MCPH1: variants seen among roughly 807,000 people sequenced by gnomAD.
The protein encoded by MCPH1 is microcephalin.
Under a neutral mutation model 84.5 loss-of-function variants are expected in MCPH1, and 104 were observed. The observed-to-expected ratio is 1.23, with a 90% CI of 1.05 to 1.45. MCPH1 has a LOEUF of 1.45. Among genes scored for constraint, MCPH1 ranks in the 40% most tolerant of loss-of-function variants. The pLI, the probability that MCPH1 is intolerant of heterozygous loss-of-function variation, is 0.00. For synonymous variants in MCPH1, 514 were observed against 366.8 expected (o/e 1.40, Z -4.58); for missense variants, 1,498 against 1,005.7 (o/e 1.49, Z -6.62).
intron 4 of MCPH1, among the ~76,000 whole-genome samples, chr8:6,433,776 CCCTTT>C (rs142430100): frequency 0.013 from 2,029 of 152,030 alleles, 18 homozygotes; most frequent in Middle Eastern, 0.027. Flanking sequence ...TAAAAACCTT[CCCTTT>C]CCTTCTCTTT....
chr8:6,459,038 A>G (rs1291000382), intron 9 of MCPH1, among the ~76,000 whole-genome samples: 1 of 152,244 alleles, frequency 6.6e-6, no homozygotes, highest in African/African-American at 2.4e-5. Flanking sequence ...ATATGTGGTA[A>G]TGAGTCCACA....
At chr8:6,477,893 A>G (rs1808688512) in intron 10 of MCPH1, among the ~76,000 whole-genome samples, 1 of 152,232 alleles carries the variant, frequency 6.6e-6, no homozygotes, top group Admixed American at 6.5e-5. Flanking sequence ...TTGATACCAA[A>G]TAGCTTCATG....
At chr8:6,438,018 G>A (rs1178251271) in intron 5 of MCPH1, among the ~76,000 whole-genome samples, 2 of 152,114 alleles carry the variant, frequency 1.3e-5, no homozygotes, top group African/African-American at 4.8e-5. Flanking sequence ...AAATATTCAG[G>A]ATAAAATCCT....
chr8:6,456,004 C>T (rs564506884), intron 9 of MCPH1, among the ~76,000 whole-genome samples: 9 of 152,070 alleles, frequency 5.9e-5, no homozygotes, highest in Admixed American at 1.3e-4. Context: ...AACAGATGGG[C>T]GGCTGCATTT....
intron 12 of MCPH1, among the ~76,000 whole-genome samples, chr8:6,567,759 A>C (rs73661407): frequency 0.082 from 12,439 of 152,092 alleles, 625 homozygotes; most frequent in African/African-American, 0.13. Context: ...GGACCCCTTC[A>C]CTCTAAATGA....
chr8:6,552,848 G>T (rs1272394806), intron 12 of MCPH1, among the ~76,000 whole-genome samples: 1 of 151,404 alleles, frequency 6.6e-6, no homozygotes, highest in Non-Finnish European at 1.5e-5. Flanking sequence ...TTAAGTGAAA[G>T]AAGCCAGTCC....
At chr8:6,434,346 C>G (rs1283536676) in intron 4 of MCPH1, among the ~76,000 whole-genome samples, 2 of 152,154 alleles carry the variant, frequency 1.3e-5, no homozygotes, top group African/African-American at 4.8e-5. Flanking sequence ...CAGGCAAATC[C>G]TTCATCTCAC....
At chr8:6,478,166 C>T (rs763787905) in intron 10 of MCPH1, among the ~76,000 whole-genome samples, 45 of 152,096 alleles carry the variant, frequency 3.0e-4, no homozygotes, top group Non-Finnish European at 6.5e-4. Flanking sequence ...TTTTTGATAT[C>T]AATCATAGGT....
At chr8:6,624,422 G>A (rs1208070340) in intron 13 of MCPH1, among the ~76,000 whole-genome samples, 1 of 152,098 alleles carries the variant, frequency 6.6e-6, no homozygotes, top group Non-Finnish European at 1.5e-5. Flanking sequence ...CAGCGTAGTG[G>A]GCGTCTCCAG....
At chr8:6,482,041 G>A (rs1039455358) in intron 11 of MCPH1, among the ~76,000 whole-genome samples, 3 of 152,180 alleles carry the variant, frequency 2.0e-5, no homozygotes, top group Non-Finnish European at 4.4e-5. Context: ...GCCTGTGCAT[G>A]GAGTAGGTGC....
chr8:6,488,180 G>T lies in MCPH1; in HGVS notation c.2136+7304G>T, dbSNP rs73661782. Among the ~76,000 whole-genome samples the T allele has an allele frequency of 3.7e-3, 569 of 152,374 alleles. 3 individuals carry two copies. Among genetic ancestry groups the T allele is most frequent in the African/African-American group, 0.013 (528 of 41,590 alleles). ...GCAGCGTGGCCTCTGGCCGCTGGGA[G>T]CATGGGAAGCAGGCGCTGCGGTCTA... On this transcript the variant is annotated intron_variant, in intron 11 of 13. Transcript: ENST00000344683.
At chr8:6,421,528 G>GGTAA (rs1172692615) in intron 3 of MCPH1, among the ~76,000 whole-genome samples, 1 of 151,092 alleles carries the variant, frequency 6.6e-6, no homozygotes, top group East Asian at 1.9e-4. Flanking sequence ...TGGCCCATGA[G>GGTAA]GTAAGAATGG....
At chr8:6,430,273 A>C (rs1801647487) in intron 3 of MCPH1, among the ~76,000 whole-genome samples, 1 of 152,232 alleles carries the variant, frequency 6.6e-6, no homozygotes. Flanking sequence ...TGCCTGGCTT[A>C]ATAGAAGACA....
chr8:6,449,352 G>A (rs114113893), intron 8 of MCPH1, among the ~76,000 whole-genome samples: 217 of 152,262 alleles, frequency 1.4e-3, no homozygotes, highest in African/African-American at 4.9e-3. Context: ...AGGAAATTCC[G>A]GCCAGGTGTG....
At chr8:6,454,152 C>G (rs147858974) in intron 8 of MCPH1, among the ~76,000 whole-genome samples, 57 of 152,254 alleles carry the variant, frequency 3.7e-4, no homozygotes, top group African/African-American at 1.3e-3. Context: ...TCTGAGGGCA[C>G]TGATGTTAAT....
intron 12 of MCPH1, among the ~76,000 whole-genome samples, chr8:6,599,459 T>C (rs1446037493): frequency 2.0e-5 from 3 of 152,210 alleles, no homozygotes; most frequent in South Asian, 2.1e-4. Context: ...ATGATGCTTG[T>C]TTTCCTCTCC....
intron 3 of MCPH1, among the ~76,000 whole-genome samples, chr8:6,430,140 C>T (rs1417369052): frequency 6.6e-6 from 1 of 152,206 alleles, no homozygotes; most frequent in Admixed American, 6.5e-5. Context: ...TGACCTGAAG[C>T]TTTCTCTGAA....
intron 4 of MCPH1, among the ~76,000 whole-genome samples, chr8:6,434,058 G>A (rs1430959236): frequency 6.6e-6 from 1 of 151,910 alleles, no homozygotes; most frequent in Non-Finnish European, 1.5e-5. Context: ...TTCTCTGTGA[G>A]ACCTATCCTG....
intron 9 of MCPH1, among the ~76,000 whole-genome samples, chr8:6,455,667 C>G (rs888614181): frequency 4.6e-5 from 7 of 152,238 alleles, no homozygotes; most frequent in African/African-American, 1.7e-4. Flanking sequence ...TATATACTAA[C>G]ACTCAGGTAC....
Sources: gnomAD v4.1 joint callset for allele counts (sites outside exome capture counted in the v4.1 genomes callset) on GRCh38, gnomAD v4.1.1 for gene constraint, MANE v1.5 for transcripts, NCBI Gene and HGNC (gene_info 2026-07-23, HGNC 2026-07-21) for gene names.